The following RANBP2 variants were observed in gnomAD, a reference collection of about 807,000 sequenced individuals.
RANBP2 encodes E3 SUMO-protein ligase RanBP2.
RANBP2 carries 57 observed loss-of-function variants against 303.6 expected under a neutral mutation model. The ratio of observed to expected loss-of-function variants is 0.19; its 90% confidence interval spans 0.15 to 0.23. The LOEUF (loss-of-function observed/expected upper bound fraction) is 0.23, where lower values mean the gene tolerates loss of function less well. Ranked by LOEUF, RANBP2 falls within the 10% of genes least tolerant of loss-of-function variation. The pLI is 1.00. For synonymous variants in RANBP2, 1,167 were observed against 1,301.5 expected, an observed-to-expected ratio of 0.90 and a Z score of 2.23; for missense variants, 3,138 against 3,780.8, an observed-to-expected ratio of 0.83 and a Z score of 4.46.
chr2:109,194,524 T>C, the RANBP2 span, among the ~76,000 whole-genome samples: 3 of 152,330 alleles, frequency 2.0e-5, no homozygotes, highest in East Asian at 5.8e-4. Context: ...GGAGGGGCAT[T>C]TGCTCCAGCA....
the RANBP2 span, among the ~76,000 whole-genome samples, chr2:109,564,787 G>T: frequency 6.6e-6 from 1 of 152,046 alleles, no homozygotes; most frequent in African/African-American, 2.4e-5. Flanking sequence ...GAATCACCAG[G>T]AAATACCAAA....
At chr2:108,972,758 G>C in the RANBP2 span, among the ~76,000 whole-genome samples, 1 of 152,314 alleles carries the variant, frequency 6.6e-6, no homozygotes, top group Admixed American at 6.5e-5. Flanking sequence ...AGCCCATGCA[G>C]ATGCTGAGAC....
At chr2:109,182,609 T>C in the RANBP2 span, among the ~76,000 whole-genome samples, 2 of 152,198 alleles carry the variant, frequency 1.3e-5, no homozygotes, top group African/African-American at 4.8e-5. Context: ...TGAATCGATG[T>C]TGCGTAAATT....
At chr2:109,129,968 A>G in the RANBP2 span, 1 of 1,408,928 alleles carries the variant, frequency 7.1e-7, no homozygotes, top group Non-Finnish European at 9.2e-7. Context: ...ATCCCAGGCC[A>G]GAGTGCGGCC....
chr2:109,410,077 G>A, the RANBP2 span, among the ~76,000 whole-genome samples: 3 of 152,136 alleles, frequency 2.0e-5, no homozygotes, highest in Non-Finnish European at 4.4e-5. Flanking sequence ...AACTAATACG[G>A]CCTGGTTCCC....
the RANBP2 span, among the ~76,000 whole-genome samples, chr2:109,119,057 C>G: frequency 6.6e-6 from 1 of 152,218 alleles, no homozygotes; most frequent in Non-Finnish European, 1.5e-5. Flanking sequence ...TGGAAGGCAT[C>G]GTCCTAGGTG....
chr2:109,644,395 A>G, the RANBP2 span, among the ~76,000 whole-genome samples: 2 of 151,892 alleles, frequency 1.3e-5, no homozygotes, highest in African/African-American at 4.8e-5. Context: ...TGATGAATCT[A>G]CTCTGTCTAG....
the RANBP2 span, among the ~76,000 whole-genome samples, chr2:109,690,382 G>C: frequency 1.3e-5 from 2 of 152,214 alleles, no homozygotes; most frequent in Non-Finnish European, 2.9e-5. Flanking sequence ...GCATTCTTTT[G>C]AGTTTCTGAT....
the RANBP2 span, among the ~76,000 whole-genome samples, chr2:109,230,256 G>A: frequency 6.6e-6 from 1 of 152,006 alleles, no homozygotes; most frequent in Non-Finnish European, 1.5e-5. Flanking sequence ...TTATGATGGT[G>A]CAAAAGCCAT....
At chr2:109,480,637 G>T in the RANBP2 span, among the ~76,000 whole-genome samples, 11 of 152,252 alleles carry the variant, frequency 7.2e-5, no homozygotes, top group African/African-American at 2.4e-4. Flanking sequence ...GGAGGAGGAG[G>T]AGGAGGATGG....
chr2:109,760,386 G>A, the RANBP2 span: 1 of 403,980 alleles, frequency 2.5e-6, no homozygotes, highest in Non-Finnish European at 3.1e-6. Flanking sequence ...GGGGCCGGGG[G>A]CCAGGCGGGG....
the RANBP2 span, among the ~76,000 whole-genome samples, chr2:109,247,232 C>T: frequency 6.6e-6 from 1 of 152,206 alleles, no homozygotes. Context: ...CAGATGCCCA[C>T]AGATTATGTG....
the RANBP2 span, chr2:109,128,424 G>A: frequency 6.6e-6 from 1 of 152,114 alleles, no homozygotes; most frequent in African/African-American, 2.4e-5. Context: ...CTGGCGCCAG[G>A]GTGCTGGTCG....
At chr2:109,628,541 G>A in the RANBP2 span, among the ~76,000 whole-genome samples, 167 of 136,306 alleles carry the variant, frequency 1.2e-3, 1 homozygote, top group African/African-American at 3.4e-3. Flanking sequence ...TAAATAAATA[G>A]ATTCCCACTA....
At chr2:108,720,539 T>C (rs1177768413) in intron 1 of RANBP2, among the ~76,000 whole-genome samples, 1 of 152,190 alleles carries the variant, frequency 6.6e-6, no homozygotes, top group African/African-American at 2.4e-5. Context: ...TAAAGGTGGA[T>C]GTGCGCAGAA....
chr2:109,604,379 A>AG, the RANBP2 span, among the ~76,000 whole-genome samples: 29 of 25,892 alleles, frequency 1.1e-3, no homozygotes, highest in South Asian at 0.024. Context: ...AAAGAAGGGA[A>AG]GGGAAGGGGA....
chr2:109,289,089 C>T, the RANBP2 span, among the ~76,000 whole-genome samples: 1 of 152,142 alleles, frequency 6.6e-6, no homozygotes, highest in African/African-American at 2.4e-5. Context: ...GAGGAGCTGG[C>T]GTTATAAAGC....
At chr2:109,487,269 C>G in the RANBP2 span, among the ~76,000 whole-genome samples, 1 of 152,226 alleles carries the variant, frequency 6.6e-6, no homozygotes, top group African/African-American at 2.4e-5. Flanking sequence ...CCAAATCAGT[C>G]TATGAGCCTC....
chr2:109,760,425 G>T, the RANBP2 span: 5 of 938,826 alleles, frequency 5.3e-6, no homozygotes, highest in East Asian at 1.4e-4. Flanking sequence ...CGGCGGCGGC[G>T]GCGGCGCAGG....
Sources: allele counts gnomAD v4.1 joint callset (sites outside exome capture counted in the v4.1 genomes callset), GRCh38; gene constraint gnomAD v4.1.1; transcripts MANE v1.5; gene names NCBI Gene and HGNC (gene_info 2026-07-23, HGNC 2026-07-21).